The following NMNAT1 variants were observed in gnomAD, a reference collection of about 807,000 sequenced individuals.
NMNAT1 encodes the protein nicotinamide nucleotide adenylyltransferase 1.
In NMNAT1, 11 loss-of-function variants were observed where a neutral mutation model predicts 16.7. The observed-to-expected ratio is 0.66, with a 90% CI of 0.41 to 1.09. The LOEUF (loss-of-function observed/expected upper bound fraction) is 1.09. Ranked by LOEUF, NMNAT1 falls within the 50% of genes least tolerant of loss-of-function variation. The pLI is 0.00. For synonymous variants in NMNAT1, 110 were observed against 119.8 expected (o/e 0.92, Z 0.53); for missense variants, 280 against 332.3 (o/e 0.84, Z 1.22).
intron 1 of NMNAT1, among the ~76,000 whole-genome samples, chr1:9,958,546 TCTC>T (rs1338171571): frequency 4.6e-5 from 7 of 152,026 alleles, no homozygotes; most frequent in African/African-American, 1.4e-4. Context: ...TTCAAGCAAT[TCTC>T]CTGCCTCAGC....
the NMNAT1 span, among the ~76,000 whole-genome samples, chr1:9,990,761 A>G: frequency 6.6e-6 from 1 of 152,180 alleles, no homozygotes; most frequent in African/African-American, 2.4e-5. Flanking sequence ...ATTGCTGTCT[A>G]GGAAGAACAG....
chr1:9,987,266 T>TTGGA (rs1642056532), downstream of NMNAT1, among the ~76,000 whole-genome samples: 1 of 152,070 alleles, frequency 6.6e-6, no homozygotes, highest in Non-Finnish European at 1.5e-5. Context: ...TCCCAGCACT[T>TTGGA]TGGAGGCCAA....
chr1:9,959,373 GA>G (rs70998331), intron 1 of NMNAT1, among the ~76,000 whole-genome samples: 4 of 117,596 alleles, frequency 3.4e-5, no homozygotes, highest in African/African-American at 1.3e-4. Context: ...CTCCATCTTG[GA>G]AAAAAAAAAA....
intron 1 of NMNAT1, chr1:9,952,562 G>GAGTCTCACTCTGTCACCC (rs1641141250): frequency 6.6e-6 from 1 of 151,926 alleles, no homozygotes; most frequent in African/African-American, 2.4e-5. Context: ...TCTTAAGACA[G>GAGTCTCACTCTGTCACCC]AGTCTCACTC....
intron 1 of NMNAT1, among the ~76,000 whole-genome samples, chr1:9,946,330 A>G (rs1163853108): frequency 6.6e-6 from 1 of 152,244 alleles, no homozygotes; most frequent in African/African-American, 2.4e-5. Context: ...CTGGAGAAAG[A>G]GAAATAAGAT....
At position 9,972,202 on chromosome 1, in the gene NMNAT1, C is replaced by T. The variant is rs780638426; in HGVS notation, c.115+14C>T. Reference sequence around the variant, plus strand: ...TGAATGGAACAGGTAGGAGCAGTAACCAAAAGTGGCTTAAGACTAGAGAAC... The same window carrying T: ...TGAATGGAACAGGTAGGAGCAGTAATCAAAAGTGGCTTAAGACTAGAGAAC... On this transcript the variant is annotated intron_variant, in intron 2 of 4. Coordinates refer to ENST00000377205, the MANE Select transcript of NMNAT1 (RefSeq NM_022787.4). The T allele has an allele frequency of 2.8e-6, 4 of 1,446,896 alleles. No individual in the cohort carries two copies. Among genetic ancestry groups the T allele is most frequent in the East Asian group, 2.3e-5 (1 of 44,012 alleles). 89.6% of individuals were successfully genotyped at this position (1,446,896 alleles called of 1,614,324 possible).
At chr1:9,995,847 T>C in the NMNAT1 span, among the ~76,000 whole-genome samples, 1 of 151,464 alleles carries the variant, frequency 6.6e-6, no homozygotes, top group African/African-American at 2.4e-5. Context: ...GCCAACATGA[T>C]GAAACCCCCA....
chr1:9,981,238 G>A, intron 4 of NMNAT1, 68 bp downstream of exon 4: 1 of 1,542,556 alleles, frequency 6.5e-7, no homozygotes, highest in Non-Finnish European at 8.7e-7. Context: ...AAACCCCTGT[G>A]TATTTTTTTT....
At chr1:9,957,772 G>T (rs961917999) in intron 1 of NMNAT1, among the ~76,000 whole-genome samples, 1 of 152,096 alleles carries the variant, frequency 6.6e-6, no homozygotes. Context: ...ACTCCCCCTC[G>T]CTTAAGTAGA....
At chr1:9,972,452 C>G (rs1641710838) in intron 2 of NMNAT1, 1 of 243,250 alleles carries the variant, frequency 4.1e-6, no homozygotes, top group South Asian at 7.3e-5. Context: ...GCTGAGATTG[C>G]TGCACTGCAC....
chr1:9,946,212 G>T (rs1474331464), intron 1 of NMNAT1, among the ~76,000 whole-genome samples: 1 of 152,118 alleles, frequency 6.6e-6, no homozygotes, highest in Non-Finnish European at 1.5e-5. Flanking sequence ...ATGCCTTTAG[G>T]TTCTTGTTTA....
chr1:9,961,077 G>A (rs1008134239), intron 1 of NMNAT1, among the ~76,000 whole-genome samples: 2 of 152,154 alleles, frequency 1.3e-5, no homozygotes, highest in African/African-American at 4.8e-5. Context: ...AACAGTTAGT[G>A]GAACTGTGAG....
At chr1:9,953,820 TTTTG>T (rs1641179414) in intron 1 of NMNAT1, among the ~76,000 whole-genome samples, 1 of 145,346 alleles carries the variant, frequency 6.9e-6, no homozygotes, top group African/African-American at 2.6e-5. Context: ...TTTTTTTTTT[TTTTG>T]AGACAGAGTC....
At chr1:9,989,080 C>G (rs1041965170), downstream of NMNAT1, among the ~76,000 whole-genome samples, 1 of 152,070 alleles carries the variant, frequency 6.6e-6, no homozygotes, top group African/African-American at 2.4e-5. Context: ...TACTATGGCC[C>G]AAAGTGAGCA....
intron 2 of NMNAT1, among the ~76,000 whole-genome samples, chr1:9,973,056 C>T (rs973103321): frequency 6.6e-6 from 1 of 152,220 alleles, no homozygotes; most frequent in Non-Finnish European, 1.5e-5. Flanking sequence ...AAAGCTTGTA[C>T]TTTAGCATAC....
At chr1:9,970,051 T>C (rs936492951) in intron 1 of NMNAT1, among the ~76,000 whole-genome samples, 4 of 152,110 alleles carry the variant, frequency 2.6e-5, no homozygotes, top group Admixed American at 1.3e-4. Context: ...GCTATTAACA[T>C]TGGAATCTAG....
At chr1:9,990,405 G>A (rs557826560), downstream of NMNAT1, among the ~76,000 whole-genome samples, 91 of 152,228 alleles carry the variant, frequency 6.0e-4, no homozygotes, top group African/African-American at 2.1e-3. Context: ...GGCTCCCCAT[G>A]GCTCTGTTAA....
At chr1:9,970,432 C>T (rs921730407) in intron 1 of NMNAT1, among the ~76,000 whole-genome samples, 3 of 151,984 alleles carry the variant, frequency 2.0e-5, no homozygotes, top group African/African-American at 4.8e-5. Context: ...CAGTGGCTCA[C>T]GCCTGTAATC....
the NMNAT1 span, among the ~76,000 whole-genome samples, chr1:9,996,107 C>G: frequency 6.6e-6 from 1 of 151,862 alleles, no homozygotes; most frequent in Non-Finnish European, 1.5e-5. Context: ...GTCATGAGAT[C>G]GAGACCATCC....
Sources: allele counts gnomAD v4.1 joint callset (sites outside exome capture counted in the v4.1 genomes callset), GRCh38; gene constraint gnomAD v4.1.1; transcripts MANE v1.5; gene names NCBI Gene and HGNC (gene_info 2026-07-23, HGNC 2026-07-21).